SFI1: variants seen among roughly 807,000 people sequenced by gnomAD.
The protein encoded by SFI1 is protein SFI1 homolog.
A neutral mutation model predicts 207.5 loss-of-function variants in SFI1; 195 were observed. That is an observed-to-expected ratio of 0.94 (90% CI 0.84 to 1.06). The LOEUF is 1.06. SFI1 is among the 50% of genes least tolerant of loss of function. SFI1 has a pLI of 0.00. For missense variants in SFI1, 1,634 were observed against 1,588.0 expected (o/e 1.03, Z -0.49); for synonymous variants, 630 against 598.9 (o/e 1.05, Z -0.76).
In SFI1 at chr22:31,572,200, G is replaced by A. The variant is rs187934853; in HGVS notation, c.766-858G>A. On this transcript the variant is annotated intron_variant, in intron 8 of 32. Coordinates refer to ENST00000400288, the MANE Select transcript of SFI1 (RefSeq NM_001007467.3). Reference sequence around the variant, plus strand: ...TGCTTTTATTTTCTTAGTGAAATGGGAACGATGGTATTCAGTTGAGAGGAG... The same window carrying A: ...TGCTTTTATTTTCTTAGTGAAATGGAAACGATGGTATTCAGTTGAGAGGAG... Among the ~76,000 whole-genome samples the A allele has an allele frequency of 1.3e-4, 20 of 152,250 alleles. No homozygotes were observed. In the East Asian group the frequency reaches 3.9e-3, roughly 29 times the overall value.
intron 9 of SFI1, among the ~76,000 whole-genome samples, chr22:31,573,724 C>T (rs1254858430): frequency 6.6e-6 from 1 of 152,172 alleles, no homozygotes; most frequent in Non-Finnish European, 1.5e-5. Context: ...AGGCGTGAGC[C>T]ACTGTTTCCG....
chr22:31,503,355 C>T (rs533504197), intron 1 of SFI1, among the ~76,000 whole-genome samples: 3 of 152,224 alleles, frequency 2.0e-5, no homozygotes, highest in East Asian at 3.9e-4. Context: ...CTGTGTGGTC[C>T]ACTTTCCTTT....
intron 1 of SFI1, among the ~76,000 whole-genome samples, chr22:31,507,891 ATGG>A (rs2054875061): frequency 6.6e-6 from 1 of 152,108 alleles, no homozygotes; most frequent in South Asian, 2.1e-4. Context: ...CCTGGCCAAC[ATGG>A]TGGAATCTTG....
At chr22:31,509,618 TCA>T in intron 2 of SFI1, among the ~76,000 whole-genome samples, 1 of 152,162 alleles carries the variant, frequency 6.6e-6, no homozygotes. Context: ...GTCCACTGAC[TCA>T]AATGTTAATA....
At chr22:31,554,987 A>AAGGATTTCT (rs1333384007) in intron 6 of SFI1, among the ~76,000 whole-genome samples, 1 of 152,078 alleles carries the variant, frequency 6.6e-6, no homozygotes, top group Non-Finnish European at 1.5e-5. Context: ...TCTTTCTGTT[A>AAGGATTTCT]AGGATTTCTA....
At chr22:31,563,137 C>T (rs1051943398) in intron 8 of SFI1, among the ~76,000 whole-genome samples, 2 of 151,318 alleles carry the variant, frequency 1.3e-5, no homozygotes, top group South Asian at 2.1e-4. Flanking sequence ...GGGACTCAGA[C>T]GCATGCCGCC....
At chr22:31,539,023 C>T (rs2059245767) in intron 4 of SFI1, among the ~76,000 whole-genome samples, 1 of 152,178 alleles carries the variant, frequency 6.6e-6, no homozygotes, top group Non-Finnish European at 1.5e-5. Context: ...GAAACTCCAT[C>T]CTTCCAAGTG....
Position 31,557,362 on chromosome 22 carries a change from A to AT in SFI1, c.662+310dup, listed in dbSNP as rs2061271280. On this transcript the variant is annotated intron_variant, in intron 7 of 32. Transcript: ENST00000400288. ...CCCAGCTAATGTTTTTTTTTTTTTC[A>AT]TTTTTTTGTAGAGGCGAGGTTTTAT... is the stretch of plus-strand genomic sequence containing the variant. 2.1e-5 allele frequency among the ~76,000 whole-genome samples: 3 copies of AT among 140,260 alleles called. No homozygotes were observed. The South Asian group carries it at 6.8e-4, about 32-fold the overall frequency. 92.0% of individuals were successfully genotyped at this position (140,260 alleles called of 152,430 possible).
chr22:31,562,903 A>G (rs192369490), intron 8 of SFI1, among the ~76,000 whole-genome samples: 262 of 151,990 alleles, frequency 1.7e-3, no homozygotes, highest in Admixed American at 2.8e-3. Flanking sequence ...AAGTACTGGT[A>G]TTACAGGCGT....
chr22:31,611,824 G>T lies in SFI1; in HGVS notation c.2474G>T (p.Arg825Leu). Residue 825 changes from arginine (R) to leucine (L), a missense_variant, in exon 24 of 33, where the codon CGC becomes CTC. Coordinates refer to ENST00000400288, the MANE Select transcript of SFI1 (RefSeq NM_001007467.3). ...LAQRLSRTCFRQWRQQLAARR... is the reference protein window; with the variant it reads ...LAQRLSRTCFLQWRQQLAARR... ...CAGAGACTCAGCCGGACCTGCTTCC[G>T]CCAGTGGAGACAACAGGTGGGAACC... 6.2e-7 allele frequency: 1 copy of T among 1,613,916 alleles called. No homozygotes were observed. The highest frequency in any genetic ancestry group is 2.2e-5 in the East Asian group (1 of 44,874).
At position 31,613,540 on chromosome 22, in the gene SFI1, G is replaced by T; in HGVS notation, c.2742+10G>T. 6.3e-7 allele frequency: 1 copy of T among 1,583,906 alleles called. No homozygotes were observed. ...CCAGCAGCAGGTCCAGGTAGGCCCAGGGCCCCTTCCTGTGGGGAGCAGGCA... is the reference window on the plus strand; with the variant it reads ...CCAGCAGCAGGTCCAGGTAGGCCCATGGCCCCTTCCTGTGGGGAGCAGGCA... On this transcript the variant is annotated intron_variant, in intron 26 of 32. Transcript: ENST00000400288.
chr22:31,580,542 CTTTT>C (rs11347645), intron 12 of SFI1, among the ~76,000 whole-genome samples, 178 bp downstream of exon 12: 5,621 of 117,228 alleles, frequency 0.048, 66 homozygotes, highest in African/African-American at 0.054. Flanking sequence ...CTTTTCTTTT[CTTTT>C]TTTTTTTTTT....
chr22:31,506,562 A>C (rs1463744665), intron 1 of SFI1, among the ~76,000 whole-genome samples: 2 of 152,142 alleles, frequency 1.3e-5, no homozygotes, highest in African/African-American at 4.8e-5. Flanking sequence ...AGTTTCCTTC[A>C]TTAGAAAATA....
intron 8 of SFI1, chr22:31,572,832 C>CT (rs1462871339): frequency 8.2e-5 from 33 of 402,064 alleles, no homozygotes; most frequent in South Asian, 1.0e-4. Flanking sequence ...TTTTATTCTT[C>CT]TTTTTTTTAA....
intron 17 of SFI1, among the ~76,000 whole-genome samples, chr22:31,603,469 C>T (rs1569446919): frequency 6.6e-6 from 1 of 152,168 alleles, no homozygotes; most frequent in African/African-American, 2.4e-5. Flanking sequence ...CACTCCCTGT[C>T]GCACACTGAC....
At chr22:31,506,268 G>A (rs997563380) in intron 1 of SFI1, among the ~76,000 whole-genome samples, 31 of 152,050 alleles carry the variant, frequency 2.0e-4, no homozygotes, top group African/African-American at 6.8e-4. Context: ...GGCTGGTCTT[G>A]AACTCCTGAC....
At chr22:31,578,692 C>G (rs1019865641) in intron 11 of SFI1, among the ~76,000 whole-genome samples, 1 of 152,140 alleles carries the variant, frequency 6.6e-6, no homozygotes, top group Non-Finnish European at 1.5e-5. Context: ...TAGTCCTGAG[C>G]TTTTTTTACA....
chr22:31,578,574 T>C (rs1178500712), intron 11 of SFI1, 122 bp downstream of exon 11: 2 of 776,208 alleles, frequency 2.6e-6, no homozygotes, highest in Admixed American at 2.9e-5. Context: ...GTTTTGGTCA[T>C]GAAGCCCTCC....
At chr22:31,548,044 C>G (rs1379596467) in intron 5 of SFI1, among the ~76,000 whole-genome samples, 1 of 151,478 alleles carries the variant, frequency 6.6e-6, no homozygotes, top group Non-Finnish European at 1.5e-5. Context: ...GAAACCCCGT[C>G]TCTACTAAAA....
Sources: allele counts gnomAD v4.1 joint callset (sites outside exome capture counted in the v4.1 genomes callset), GRCh38; gene constraint gnomAD v4.1.1; transcripts MANE v1.5; gene names NCBI Gene and HGNC (gene_info 2026-07-23, HGNC 2026-07-21).